IPO11: variants seen among roughly 807,000 people sequenced by gnomAD.
IPO11 encodes importin 11.
Under a neutral mutation model 143.2 loss-of-function variants are expected in IPO11, and 66 were observed. The observed-to-expected ratio is 0.46, with a 90% confidence interval of 0.38 to 0.57. IPO11 has a LOEUF of 0.57. Ranked by LOEUF, IPO11 falls within the 20% of genes least tolerant of loss-of-function variation. IPO11 has a pLI of 0.00. For synonymous variants in IPO11, 385 were observed against 377.8 expected, an observed-to-expected ratio of 1.02 and a Z score of -0.22; for missense variants, 1,026 against 1,141.0, an observed-to-expected ratio of 0.90 and a Z score of 1.45.
intron 29 of IPO11, among the ~76,000 whole-genome samples, chr5:62,602,652 G>C (rs1264723447): frequency 6.6e-6 from 1 of 152,150 alleles, no homozygotes; most frequent in African/African-American, 2.4e-5. Context: ...TCGCATTACA[G>C]CACGTTAGCT....
At chr5:62,620,517 TAAAA>T (rs71608518) in intron 29 of IPO11, among the ~76,000 whole-genome samples, 7 of 105,802 alleles carry the variant, frequency 6.6e-5, no homozygotes, top group African/African-American at 1.5e-4. Flanking sequence ...AGACTCTGTC[TAAAA>T]AAAAAAAAAA....
intron 27 of IPO11, among the ~76,000 whole-genome samples, chr5:62,576,993 A>G (rs973145645): frequency 1.3e-5 from 2 of 152,260 alleles, no homozygotes; most frequent in Non-Finnish European, 2.9e-5. Flanking sequence ...AAACAGCTCA[A>G]TGAGTCAATT....
chr5:62,604,158 A>G (rs951327625), intron 29 of IPO11, among the ~76,000 whole-genome samples: 7 of 152,318 alleles, frequency 4.6e-5, no homozygotes, highest in South Asian at 2.1e-4. Flanking sequence ...ATGCATGACT[A>G]TATATCTCGA....
intron 26 of IPO11, among the ~76,000 whole-genome samples, chr5:62,552,852 A>G (rs1743433961): frequency 6.6e-6 from 1 of 152,192 alleles, no homozygotes; most frequent in African/African-American, 2.4e-5. Flanking sequence ...ATAGTTGTAG[A>G]CATTTATGGA....
intron 21 of IPO11, among the ~76,000 whole-genome samples, chr5:62,529,746 T>C (rs980812721): frequency 6.6e-6 from 1 of 152,150 alleles, no homozygotes; most frequent in African/African-American, 2.4e-5. Context: ...TTATAGCCAG[T>C]ATTAGATTTT....
chr5:62,511,041 T>C (rs1432738391), intron 19 of IPO11, among the ~76,000 whole-genome samples: 1 of 152,134 alleles, frequency 6.6e-6, no homozygotes, highest in Non-Finnish European at 1.5e-5. Flanking sequence ...GCCTCTATGA[T>C]TGATTTTTGA....
At chr5:62,566,501 G>T (rs532580910) in intron 27 of IPO11, among the ~76,000 whole-genome samples, 5 of 152,002 alleles carry the variant, frequency 3.3e-5, no homozygotes, top group Non-Finnish European at 5.9e-5. Context: ...GGGAGGCCGA[G>T]GCAGGCAGAT....
chr5:62,627,136 CCTCT>C lies in IPO11; in HGVS notation c.2764-15_2764-12del. 1 of 1,605,088 alleles carries C rather than the reference CCTCT, an allele frequency of 6.2e-7. No individual in the cohort carries two copies. On this transcript the variant is annotated splice_polypyrimidine_tract_variant and intron_variant, in intron 29 of 29. Coordinates refer to ENST00000325324, the MANE Select transcript of IPO11 (RefSeq NM_016338.5). ...GTTTTGCTTTTTTGACAGTCTTGCT[CCTCT>C]CTGTATCCCACAGCTGGCCCTGAAG...
intron 5 of IPO11, among the ~76,000 whole-genome samples, chr5:62,458,095 T>C (rs1466117969): frequency 3.7e-5 from 5 of 136,836 alleles, no homozygotes; most frequent in African/African-American, 8.4e-5. Flanking sequence ...TGCAGTGAGC[T>C]GAGATCGCGC....
At chr5:62,600,697 AG>A (rs1365116413) in intron 28 of IPO11, among the ~76,000 whole-genome samples, 6 of 151,548 alleles carry the variant, frequency 4.0e-5, no homozygotes, top group African/African-American at 1.5e-4. Flanking sequence ...ATATCATGGC[AG>A]ACAAAAGCAT....
At chr5:62,621,834 A>G (rs988478226) in intron 29 of IPO11, among the ~76,000 whole-genome samples, 1 of 152,214 alleles carries the variant, frequency 6.6e-6, no homozygotes, top group African/African-American at 2.4e-5. Flanking sequence ...ACCAAAATCA[A>G]GAAGCGCACT....
At chr5:62,440,944 C>T (rs1223374151) in intron 2 of IPO11, among the ~76,000 whole-genome samples, 2 of 151,368 alleles carry the variant, frequency 1.3e-5, no homozygotes, top group African/African-American at 2.4e-5. Flanking sequence ...GTCAGTGCAA[C>T]GGGAGTGAGA....
intron 24 of IPO11, among the ~76,000 whole-genome samples, chr5:62,538,684 T>C (rs990110445): frequency 1.3e-5 from 2 of 152,204 alleles, no homozygotes; most frequent in African/African-American, 4.8e-5. Flanking sequence ...CTCAGGCAGT[T>C]CTTTATAGCA....
intron 27 of IPO11, among the ~76,000 whole-genome samples, chr5:62,564,281 T>C (rs1230080916): frequency 1.3e-5 from 2 of 152,208 alleles, no homozygotes; most frequent in African/African-American, 4.8e-5. Context: ...TAGTGGAACG[T>C]GCTGATATTC....
chr5:62,464,250 C>G (rs1019786917), intron 5 of IPO11, among the ~76,000 whole-genome samples: 2 of 148,102 alleles, frequency 1.4e-5, no homozygotes, highest in African/African-American at 2.5e-5. Flanking sequence ...CCCGGATTCT[C>G]CCGCCTCAGC....
At chr5:62,573,225 T>A (rs1435623221) in intron 27 of IPO11, among the ~76,000 whole-genome samples, 9 of 152,170 alleles carry the variant, frequency 5.9e-5, no homozygotes, top group Non-Finnish European at 1.3e-4. Flanking sequence ...CATTTTTTTA[T>A]CCATTGTATG....
chr5:62,521,726 C>T lies in IPO11; in HGVS notation c.1897-4416C>T, dbSNP rs552767526. Among the ~76,000 whole-genome samples the T allele has an allele frequency of 5.1e-4, 77 of 151,624 alleles. 1 individual carries two copies. The highest frequency in any genetic ancestry group is 1.8e-3 in the African/African-American group (73 of 41,402). On this transcript the variant is annotated intron_variant, in intron 20 of 29. Coordinates refer to ENST00000325324, the MANE Select transcript of IPO11 (RefSeq NM_016338.5). Reference sequence around the variant, plus strand: ...CCAGTCGTCTGATTTTCTTTGTTTCCTTCCTGCTTTTTTTTTTCCTCTTTC... The same window carrying T: ...CCAGTCGTCTGATTTTCTTTGTTTCTTTCCTGCTTTTTTTTTTCCTCTTTC...
chr5:62,486,784 G>A (rs767530436), intron 12 of IPO11, among the ~76,000 whole-genome samples: 9 of 151,932 alleles, frequency 5.9e-5, no homozygotes, highest in African/African-American at 1.9e-4. Flanking sequence ...TTAAAAAATA[G>A]AATAATATAA....
At chr5:62,599,257 A>G (rs1272793494) in intron 28 of IPO11, among the ~76,000 whole-genome samples, 3 of 152,226 alleles carry the variant, frequency 2.0e-5, no homozygotes, top group Non-Finnish European at 2.9e-5. Context: ...TGCCCCAACT[A>G]TCCCTCCTGT....
Sources: allele counts gnomAD v4.1 joint callset (sites outside exome capture counted in the v4.1 genomes callset), GRCh38; gene constraint gnomAD v4.1.1; transcripts MANE v1.5; gene names NCBI Gene and HGNC (gene_info 2026-07-23, HGNC 2026-07-21).